The following GPALPP1 variants were observed in gnomAD, a reference collection of about 807,000 sequenced individuals.
GPALPP1 encodes GPALPP motifs containing 1.
GPALPP1 carries 30 observed loss-of-function variants against 38.9 expected under a neutral mutation model. The observed-to-expected ratio is 0.77, with a 90% CI of 0.58 to 1.05. GPALPP1 has a LOEUF of 1.05. Ranked by LOEUF, GPALPP1 falls within the 50% of genes least tolerant of loss-of-function variation. The pLI, the probability that GPALPP1 is intolerant of heterozygous loss-of-function variation, is 0.00. For synonymous variants in GPALPP1, 120 were observed against 139.2 expected, an observed-to-expected ratio of 0.86 and a Z score of 0.97; for missense variants, 384 against 408.8, an observed-to-expected ratio of 0.94 and a Z score of 0.52.
intron 6 of GPALPP1, among the ~76,000 whole-genome samples, chr13:45,018,289 C>T (rs9595230): frequency 0.053 from 8,047 of 151,636 alleles, 288 homozygotes; most frequent in South Asian, 0.075. Flanking sequence ...CGCAGCTACT[C>T]GGGAGGCTGA....
intron 1 of GPALPP1, among the ~76,000 whole-genome samples, chr13:44,998,492 T>A (rs1873448922): frequency 6.6e-6 from 1 of 152,198 alleles, no homozygotes; most frequent in Non-Finnish European, 1.5e-5. Flanking sequence ...CACAGCAACA[T>A]TTGGCCCCTC....
intron 1 of GPALPP1, among the ~76,000 whole-genome samples, chr13:45,000,467 G>A (rs897949954): frequency 4.6e-5 from 7 of 151,992 alleles, no homozygotes; most frequent in African/African-American, 9.7e-5. Flanking sequence ...ATGTGTGTAC[G>A]TTATAATACC....
Position 44,993,740 on chromosome 13 carries a change from T to G in GPALPP1, c.88+3998T>G, listed in dbSNP as rs1873031133. Among the ~76,000 whole-genome samples, 2 of 151,334 alleles carry G rather than the reference T, an allele frequency of 1.3e-5. 1 individual carries two copies. Among genetic ancestry groups the G allele is most frequent in the South Asian group, 4.2e-4 (2 of 4,810 alleles). ...CTGTTGTCTACAGCAGCTGCACCAT[T>G]TTACATTCCCACTAGCACTGTACAA... On this transcript the variant is annotated intron_variant, in intron 1 of 7. Transcript: ENST00000379151.
intron 1 of GPALPP1, among the ~76,000 whole-genome samples, chr13:44,996,215 C>G (rs900071588): frequency 2.0e-5 from 3 of 151,974 alleles, no homozygotes; most frequent in Non-Finnish European, 4.4e-5. Context: ...ATTAGCCAGG[C>G]ATGGTAGCAT....
At position 45,028,172 on chromosome 13, in the gene GPALPP1, GA is replaced by G; in HGVS notation, c.*174del. On this transcript the variant is annotated 3_prime_UTR_variant, in exon 8 of 8. Coordinates refer to ENST00000379151, the MANE Select transcript of GPALPP1 (RefSeq NM_018559.5). ...TTTTGAAAAGTCAGCCTTGTGGGATGAAAAATATGTCTTACTGGAAAAATCC... is the reference window on the plus strand; with the variant it reads ...TTTTGAAAAGTCAGCCTTGTGGGATGAAAATATGTCTTACTGGAAAAATCC... 1 of 384,786 alleles carries G rather than the reference GA, an allele frequency of 2.6e-6. No individual in the cohort carries two copies. 23.8% of individuals were successfully genotyped at this position (384,786 alleles called of 1,614,324 possible).
intron 5 of GPALPP1, 135 bp from the exon 6 acceptor site, chr13:45,015,297 A>T (rs1874767674): frequency 1.7e-6 from 1 of 597,118 alleles, no homozygotes; most frequent in Non-Finnish European, 2.8e-6. Context: ...TGACAAAAAC[A>T]TCGATCCTTT....
At chr13:45,025,442 G>GA (rs1483603530) in intron 7 of GPALPP1, among the ~76,000 whole-genome samples, 1 of 151,976 alleles carries the variant, frequency 6.6e-6, no homozygotes, top group African/African-American at 2.4e-5. Context: ...TCTGTATAAT[G>GA]AGAATAACAA....
downstream of GPALPP1, chr13:45,032,016 T>C (rs143156066): frequency 6.6e-6 from 1 of 152,234 alleles, no homozygotes; most frequent in Non-Finnish European, 1.5e-5. Context: ...CCATTTAAGT[T>C]TGTTATACTT....
chr13:45,035,586 T>C (rs191146909), exon 8 of GPALPP1: 1 of 152,244 alleles, frequency 6.6e-6, no homozygotes. Flanking sequence ...TACATTCTTT[T>C]TAAGAACTGA....
rs371911111 is a variant in GPALPP1, at chr13:44,995,169, A to AACACACACACACACACACACAC, written c.88+5440_88+5461dup. ...ACCCAGACACAAGCCCCTATCTTTA[A>AACACACACACACACACACACAC]ACACACACACACACACACACACACA... On this transcript the variant is annotated intron_variant, in intron 1 of 7. Coordinates refer to ENST00000379151, the MANE Select transcript of GPALPP1 (RefSeq NM_018559.5). Among the ~76,000 whole-genome samples, 1,262 of 128,466 alleles carry AACACACACACACACACACACAC rather than the reference A, an allele frequency of 9.8e-3. 19 individuals carry two copies. The highest frequency in any genetic ancestry group is 0.023 in the East Asian group (92 of 4,034). The allele number at this position is 128,466 out of a possible 152,430, so 84.3% of individuals were successfully genotyped here.
intron 6 of GPALPP1, 81 bp from the exon 7 acceptor site, chr13:45,020,249 A>G (rs1004906711): frequency 3.2e-6 from 2 of 618,044 alleles, no homozygotes; most frequent in African/African-American, 3.9e-5. Context: ...TTGTTACTTA[A>G]TCTAAGTAAA....
chr13:44,994,524 T>C (rs530380522), intron 1 of GPALPP1, among the ~76,000 whole-genome samples: 1 of 152,282 alleles, frequency 6.6e-6, no homozygotes, highest in Admixed American at 6.5e-5. Context: ...CTGTTCCTGC[T>C]GCCTACCATG....
intron 4 of GPALPP1, among the ~76,000 whole-genome samples, chr13:45,012,329 A>G (rs1291944640): frequency 6.6e-6 from 1 of 152,116 alleles, no homozygotes; most frequent in South Asian, 2.1e-4. Flanking sequence ...CCTACTTTCA[A>G]ATGGTTCTGA....
chr13:45,004,725 G>A (rs778848393), intron 2 of GPALPP1, among the ~76,000 whole-genome samples: 1 of 152,152 alleles, frequency 6.6e-6, no homozygotes, highest in Non-Finnish European at 1.5e-5. Flanking sequence ...TTGGCTCACT[G>A]CAGCCTCTGC....
chr13:44,990,313 C>T (rs1185978781), intron 1 of GPALPP1: 2 of 183,710 alleles, frequency 1.1e-5, no homozygotes, highest in Admixed American at 6.2e-5. Context: ...CCTTAACGCT[C>T]TAGGCTTCTG....
intron 6 of GPALPP1, among the ~76,000 whole-genome samples, chr13:45,016,067 A>G (rs941120345): frequency 6.6e-6 from 1 of 152,182 alleles, no homozygotes; most frequent in African/African-American, 2.4e-5. Flanking sequence ...TGCCTAGAGA[A>G]TTTCTCTCAA....
downstream of GPALPP1, chr13:45,031,880 C>T (rs960946697): frequency 1.3e-5 from 2 of 152,178 alleles, no homozygotes. Context: ...TAATTTCCTA[C>T]ATTTCTTGGC....
intron 6 of GPALPP1, among the ~76,000 whole-genome samples, chr13:45,016,805 T>C (rs945488715): frequency 9.2e-5 from 14 of 152,022 alleles, no homozygotes; most frequent in African/African-American, 3.1e-4. Flanking sequence ...ACACAACTAA[T>C]TTTTTTTATT....
At chr13:44,999,113 G>A (rs1873488937) in intron 1 of GPALPP1, among the ~76,000 whole-genome samples, 1 of 152,154 alleles carries the variant, frequency 6.6e-6, no homozygotes, top group Non-Finnish European at 1.5e-5. Flanking sequence ...TTGTAATACA[G>A]GTCTACTAAT....
Sources: allele counts gnomAD v4.1 joint callset (sites outside exome capture counted in the v4.1 genomes callset), GRCh38; gene constraint gnomAD v4.1.1; transcripts MANE v1.5; gene names NCBI Gene and HGNC (gene_info 2026-07-23, HGNC 2026-07-21).